The following MAGI1 variants were observed in gnomAD, a reference collection of about 807,000 sequenced individuals.
MAGI1 encodes membrane associated guanylate kinase, WW and PDZ domain containing 1.
In MAGI1, 58 loss-of-function variants were observed where a neutral mutation model predicts 139.9. The observed-to-expected ratio is 0.41, with a 90% confidence interval of 0.34 to 0.52. The LOEUF is 0.52. MAGI1 is among the 20% of genes least tolerant of loss of function. The pLI is 0.12. For missense variants in MAGI1, 1,874 were observed against 1,901.6 expected, an observed-to-expected ratio of 0.99 and a Z score of 0.27; for synonymous variants, 812 against 737.9, an observed-to-expected ratio of 1.10 and a Z score of -1.63.
chr3:65,535,964 G>C lies in MAGI1; in HGVS notation c.431-42333C>G, dbSNP rs527782546. Among the ~76,000 whole-genome samples, 12 of 152,294 alleles carry C rather than the reference G, an allele frequency of 7.9e-5. No individual in the cohort carries two copies. The South Asian group carries it at 2.5e-3, about 32-fold the overall frequency. On this transcript the variant is annotated intron_variant, in intron 2 of 22. Coordinates refer to ENST00000402939, the MANE Select transcript of MAGI1 (RefSeq NM_001033057.2). ...AGACACTAGAATAAACACCCACTTGGTGAGGTGCTCACACCATGAGGGGCA... is the reference window on the plus strand; with the variant it reads ...AGACACTAGAATAAACACCCACTTGCTGAGGTGCTCACACCATGAGGGGCA...
chr3:65,937,990 C>G (rs1177003562), intron 1 of MAGI1, among the ~76,000 whole-genome samples: 3 of 151,998 alleles, frequency 2.0e-5, no homozygotes, highest in Non-Finnish European at 4.4e-5. Context: ...AAGCAATACT[C>G]TATTAGGAAA....
chr3:65,813,300 T>C (rs759512332), intron 1 of MAGI1, among the ~76,000 whole-genome samples: 7 of 152,138 alleles, frequency 4.6e-5, no homozygotes, highest in Non-Finnish European at 1.0e-4. Flanking sequence ...CTCCTTTTAT[T>C]GTTCACTCCT....
chr3:65,395,636 C>CAAAAAAAAAAAAAAAAAA (rs58806140), intron 13 of MAGI1, among the ~76,000 whole-genome samples: 293 of 19,148 alleles, frequency 0.015, 64 homozygotes, highest in African/African-American at 0.024. Context: ...GACTCCATCT[C>CAAAAAAAAAAAAAAAAAA]AAAAAAAAAA....
chr3:65,404,132 A>G (rs1244138906), intron 12 of MAGI1, among the ~76,000 whole-genome samples: 1 of 152,240 alleles, frequency 6.6e-6, no homozygotes, highest in African/African-American at 2.4e-5. Context: ...AAGGAGGGGC[A>G]AGGATCAGAG....
chr3:65,964,734 C>G (rs2064651272), intron 1 of MAGI1, among the ~76,000 whole-genome samples: 2 of 152,188 alleles, frequency 1.3e-5, no homozygotes, highest in Admixed American at 1.3e-4. Flanking sequence ...CTTTGTCTCC[C>G]TGACCAGAAT....
At chr3:65,645,633 A>G (rs1290359181) in intron 1 of MAGI1, among the ~76,000 whole-genome samples, 1 of 152,176 alleles carries the variant, frequency 6.6e-6, no homozygotes, top group Non-Finnish European at 1.5e-5. Context: ...GTACAAGCAA[A>G]TACATTTCTC....
intron 10 of MAGI1, 122 bp from the exon 11 acceptor site, chr3:65,431,003 G>T (rs1257428565): frequency 1.1e-6 from 1 of 895,970 alleles, no homozygotes; most frequent in Non-Finnish European, 1.7e-6. Context: ...TGGGCATATA[G>T]CATCTTAAGA....
In MAGI1 at chr3:65,812,699, CTTTTTTTTTTTTTT is replaced by C. The variant is rs539502538; in HGVS notation, c.314-190625_314-190612del. The stretch of plus-strand genomic sequence containing the variant: ...AAACTGACTGGTTAAAGTTAGTTTA[CTTTTTTTTTTTTTT>C]TTTTTTTTTTTTTTGAGACAGAGTT... On this transcript the variant is annotated intron_variant, in intron 1 of 22. Coordinates refer to ENST00000402939, the MANE Select transcript of MAGI1 (RefSeq NM_001033057.2). 1.5e-4 allele frequency among the ~76,000 whole-genome samples: 11 copies of C among 72,908 alleles called. No individual in the cohort carries two copies. The South Asian group carries it at 2.1e-3, about 14-fold the overall frequency. The allele number at this position is 72,908 out of a possible 152,430, so 47.8% of individuals were successfully genotyped here.
chr3:65,604,033 C>T (rs2082613129), intron 2 of MAGI1, among the ~76,000 whole-genome samples: 1 of 152,180 alleles, frequency 6.6e-6, no homozygotes, highest in Non-Finnish European at 1.5e-5. Context: ...TTGGGTGATA[C>T]ATTCACATTA....
At position 65,356,054 on chromosome 3, in the gene MAGI1, A is replaced by G; in HGVS notation, c.*324T>C. The G allele has an allele frequency of 5.1e-6, 1 of 197,212 alleles. No individual in the cohort carries two copies. Among genetic ancestry groups the G allele is most frequent in the Non-Finnish European group, 1.0e-5 (1 of 98,398 alleles). 12.2% of individuals were successfully genotyped at this position (197,212 alleles called of 1,614,324 possible). ...AGCCCCATTTAACCAGGAGAGAAAA[A>G]GATTGCCCCAAAACGGGAACAATTC... On this transcript the variant is annotated 3_prime_UTR_variant, in exon 23 of 23. Transcript: ENST00000402939.
intron 1 of MAGI1, among the ~76,000 whole-genome samples, chr3:65,681,505 C>G (rs1478673044): frequency 6.6e-6 from 1 of 152,208 alleles, no homozygotes; most frequent in African/African-American, 2.4e-5. Flanking sequence ...GTTTATATAT[C>G]CAACCGGGAC....
chr3:65,649,836 A>G (rs1271837680), intron 1 of MAGI1, among the ~76,000 whole-genome samples: 1 of 152,200 alleles, frequency 6.6e-6, no homozygotes, highest in Non-Finnish European at 1.5e-5. Flanking sequence ...CAGAATGGCA[A>G]AAATATTGAC....
chr3:65,379,110 A>T, intron 17 of MAGI1, 151 bp downstream of exon 17: 1 of 1,490,782 alleles, frequency 6.7e-7, no homozygotes, highest in Non-Finnish European at 9.0e-7. Flanking sequence ...CTACCAAATC[A>T]ACTCCATCTC....
chr3:65,695,405 C>G (rs879528899), intron 1 of MAGI1, among the ~76,000 whole-genome samples: 4 of 152,148 alleles, frequency 2.6e-5, no homozygotes, highest in African/African-American at 9.7e-5. Context: ...CAAAGGAAAA[C>G]AGAAGGAGGT....
At chr3:65,749,493 T>C (rs1221863406) in intron 1 of MAGI1, among the ~76,000 whole-genome samples, 1 of 152,028 alleles carries the variant, frequency 6.6e-6, no homozygotes, top group Non-Finnish European at 1.5e-5. Flanking sequence ...GGTATAAGAA[T>C]GACACAATGG....
chr3:65,721,362 C>T (rs370898644), intron 1 of MAGI1, among the ~76,000 whole-genome samples: 6 of 152,284 alleles, frequency 3.9e-5, no homozygotes, highest in East Asian at 1.9e-4. Flanking sequence ...ATTCATCATC[C>T]AAACCAGGAT....
At chr3:65,438,988 T>A (rs573987610) in intron 9 of MAGI1, among the ~76,000 whole-genome samples, 2 of 152,202 alleles carry the variant, frequency 1.3e-5, no homozygotes, top group Admixed American at 1.3e-4. Flanking sequence ...ATTTGTTATA[T>A]TCAATATTAT....
intron 1 of MAGI1, among the ~76,000 whole-genome samples, chr3:65,623,061 A>G (rs7431819): frequency 0.78 from 118,982 of 152,116 alleles, 47,362 homozygotes; most frequent in African/African-American, 0.85. Flanking sequence ...ATGAATTTGG[A>G]AAAGGAGAGA....
chr3:65,693,968 A>C (rs2088915424), intron 1 of MAGI1, among the ~76,000 whole-genome samples: 1 of 151,928 alleles, frequency 6.6e-6, no homozygotes, highest in Non-Finnish European at 1.5e-5. Context: ...TGATCCACCC[A>C]CCTCGACCTC....
Sources: allele counts gnomAD v4.1 joint callset (sites outside exome capture counted in the v4.1 genomes callset), GRCh38; gene constraint gnomAD v4.1.1; transcripts MANE v1.5; gene names NCBI Gene and HGNC (gene_info 2026-07-23, HGNC 2026-07-21).